FSTL5: variants seen among roughly 807,000 people sequenced by gnomAD.
The protein encoded by FSTL5 is follistatin like 5, also known as follistatin-related protein 5.
A neutral mutation model predicts 89.1 loss-of-function variants in FSTL5; 62 were observed. The observed-to-expected ratio is 0.70, with a 90% confidence interval of 0.57 to 0.86. The LOEUF (loss-of-function observed/expected upper bound fraction) is 0.86, where lower values mean the gene tolerates loss of function less well. Among genes scored for constraint, FSTL5 ranks in the 40% least tolerant of loss-of-function variants. The pLI, the probability that FSTL5 is intolerant of heterozygous loss-of-function variation, is 0.00. For missense variants in FSTL5, 1,057 were observed against 1,001.6 expected, an observed-to-expected ratio of 1.06 and a Z score of -0.75; for synonymous variants, 383 against 346.2, an observed-to-expected ratio of 1.11 and a Z score of -1.18.
At chr4:161,743,152 A>G (rs1303338637) in intron 6 of FSTL5, among the ~76,000 whole-genome samples, 1 of 152,120 alleles carries the variant, frequency 6.6e-6, no homozygotes, top group Non-Finnish European at 1.5e-5. Flanking sequence ...CAATGTTATG[A>G]AGAGTTCCTC....
At chr4:161,537,048 T>C (rs1354775558) in intron 10 of FSTL5, among the ~76,000 whole-genome samples, 1 of 152,162 alleles carries the variant, frequency 6.6e-6, no homozygotes, top group Non-Finnish European at 1.5e-5. Flanking sequence ...TTCTTAAATA[T>C]TTCTTTATAA....
chr4:161,697,056 T>A (rs1001606159), intron 6 of FSTL5, among the ~76,000 whole-genome samples: 7 of 152,164 alleles, frequency 4.6e-5, no homozygotes, highest in Non-Finnish European at 8.8e-5. Context: ...AGCCATTAAG[T>A]CAGCCTCTGC....
intron 15 of FSTL5, among the ~76,000 whole-genome samples, chr4:161,442,288 T>C (rs1732800302): frequency 6.6e-6 from 1 of 151,916 alleles, no homozygotes; most frequent in South Asian, 2.1e-4. Context: ...TTATAGAAAA[T>C]GTGAATTTCT....
At position 161,894,742 on chromosome 4, in the gene FSTL5, G is replaced by C. The variant is rs1048726124; in HGVS notation, c.409+25662C>G. On this transcript the variant is annotated intron_variant, in intron 4 of 15. Transcript: ENST00000306100. ...GGCCTCCCAAAGTGCTGGGATTACA[G>C]GCATGAGCCGTCATGCCCGGCCCAG... 2.6e-5 allele frequency among the ~76,000 whole-genome samples: 4 copies of C among 152,328 alleles called. No homozygotes were observed. The East Asian group carries it at 5.8e-4, about 22-fold the overall frequency.
At chr4:162,108,659 A>T (rs953451471) in intron 2 of FSTL5, among the ~76,000 whole-genome samples, 2 of 151,914 alleles carry the variant, frequency 1.3e-5, no homozygotes, top group African/African-American at 2.4e-5. Context: ...TGAATAAGAG[A>T]AAATTAATTT....
At chr4:161,658,636 T>A (rs1736601796) in intron 6 of FSTL5, among the ~76,000 whole-genome samples, 1 of 152,044 alleles carries the variant, frequency 6.6e-6, no homozygotes, top group South Asian at 2.1e-4. Flanking sequence ...TATACATAAA[T>A]AAGTTAAAAA....
intron 13 of FSTL5, among the ~76,000 whole-genome samples, chr4:161,478,333 T>C (rs1163116924): frequency 2.0e-5 from 3 of 152,152 alleles, no homozygotes; most frequent in African/African-American, 7.2e-5. Context: ...TGAAAAGTTA[T>C]GATCTGTTGA....
chr4:161,546,484 A>T (rs1578914844), intron 8 of FSTL5, among the ~76,000 whole-genome samples: 1 of 151,526 alleles, frequency 6.6e-6, no homozygotes, highest in African/African-American at 2.4e-5. Flanking sequence ...AAAAAAGACA[A>T]ATCATAAAAA....
intron 7 of FSTL5, among the ~76,000 whole-genome samples, chr4:161,613,114 A>C (rs1734709388): frequency 1.3e-5 from 2 of 152,196 alleles, no homozygotes. Context: ...GGACTAATAC[A>C]TGATAATTCA....
intron 3 of FSTL5, among the ~76,000 whole-genome samples, chr4:161,930,546 T>C (rs1734257791): frequency 6.6e-6 from 1 of 151,638 alleles, no homozygotes; most frequent in Non-Finnish European, 1.5e-5. Flanking sequence ...GTTAGTAGCG[T>C]TTTCAAAATA....
At chr4:161,570,959 C>A (rs560245798) in intron 8 of FSTL5, among the ~76,000 whole-genome samples, 5 of 151,970 alleles carry the variant, frequency 3.3e-5, no homozygotes, top group African/African-American at 1.2e-4. Flanking sequence ...ACTAAAAATA[C>A]AAAAATTAGC....
At chr4:161,578,874 T>A (rs1262153921) in intron 8 of FSTL5, among the ~76,000 whole-genome samples, 2 of 151,994 alleles carry the variant, frequency 1.3e-5, no homozygotes, top group Non-Finnish European at 2.9e-5. Context: ...GAATTTAATA[T>A]CCAACAGAAA....
intron 1 of FSTL5, among the ~76,000 whole-genome samples, chr4:162,154,464 A>G (rs1492455): frequency 1 from 151,976 of 152,282 alleles, 75,836 homozygotes; most frequent in Non-Finnish European, 1. Flanking sequence ...AGTGTAAAAT[A>G]TCATGTTCAC....
chr4:162,001,258 T>A (rs1265095057), intron 3 of FSTL5, among the ~76,000 whole-genome samples: 7 of 152,178 alleles, frequency 4.6e-5, no homozygotes, highest in African/African-American at 9.6e-5. Flanking sequence ...TAATTGATAT[T>A]ATTTCCTGTT....
intron 15 of FSTL5, among the ~76,000 whole-genome samples, chr4:161,420,882 TATAA>T (rs1236529534): frequency 6.6e-6 from 1 of 150,728 alleles, no homozygotes; most frequent in African/African-American, 2.4e-5. Flanking sequence ...TGGTATTAAA[TATAA>T]ATAAATAAAT....
At chr4:161,686,339 TATATA>T (rs1306326437) in intron 6 of FSTL5, among the ~76,000 whole-genome samples, 35 of 8,250 alleles carry the variant, frequency 4.2e-3, no homozygotes, top group Middle Eastern at 0.071. Flanking sequence ...TATATATATA[TATATA>T]TATTTTTTTT....
At chr4:161,521,866 A>AAAAAAAG (rs1731046085) in intron 10 of FSTL5, among the ~76,000 whole-genome samples, 3 of 116,388 alleles carry the variant, frequency 2.6e-5, no homozygotes, top group East Asian at 2.3e-4. Flanking sequence ...AAAAAAAAAG[A>AAAAAAAG]AAAAAAAAGA....
intron 3 of FSTL5, among the ~76,000 whole-genome samples, chr4:162,032,301 C>T (rs1737562331): frequency 6.6e-6 from 1 of 152,064 alleles, no homozygotes; most frequent in Non-Finnish European, 1.5e-5. Context: ...AGTTTAAATG[C>T]ATATATCATT....
chr4:161,616,559 G>C (rs538505167), intron 7 of FSTL5, among the ~76,000 whole-genome samples: 2 of 152,206 alleles, frequency 1.3e-5, no homozygotes, highest in African/African-American at 4.8e-5. Flanking sequence ...GGCCCATTAT[G>C]GGACTTCACC....
Sources: allele counts gnomAD v4.1 joint callset (sites outside exome capture counted in the v4.1 genomes callset), GRCh38; gene constraint gnomAD v4.1.1; transcripts MANE v1.5; gene names NCBI Gene and HGNC (gene_info 2026-07-23, HGNC 2026-07-21).